Variants in CBFA2T2 observed in about 807,000 individuals in gnomAD.
CBFA2T2 encodes CBFA2/RUNX1 partner transcriptional co-repressor 2, also known as protein CBFA2T2.
A neutral mutation model predicts 62.2 loss-of-function variants in CBFA2T2; 11 were observed. That is an observed-to-expected ratio of 0.18 (90% CI 0.11 to 0.29). The LOEUF (loss-of-function observed/expected upper bound fraction) is 0.29. Among genes scored for constraint, CBFA2T2 ranks in the 10% least tolerant of loss-of-function variants. The pLI is 1.00. For missense variants in CBFA2T2, 592 were observed against 774.1 expected, an observed-to-expected ratio of 0.76 and a Z score of 2.79; for synonymous variants, 295 against 287.5, an observed-to-expected ratio of 1.03 and a Z score of -0.27.
At chr20:33,623,858 A>G in intron 5 of CBFA2T2, 1 of 717,810 alleles carries the variant, frequency 1.4e-6, no homozygotes, top group East Asian at 2.7e-5. Context: ...ACACCCGGTA[A>G]GAAACTCTAC....
chr20:33,565,547 G>A (rs2013275297), intron 1 of CBFA2T2, among the ~76,000 whole-genome samples: 1 of 152,072 alleles, frequency 6.6e-6, no homozygotes, highest in African/African-American at 2.4e-5. Flanking sequence ...TAATAAATAA[G>A]AAAAAATATG....
intron 10 of CBFA2T2, among the ~76,000 whole-genome samples, chr20:33,642,101 T>G (rs2016862487): frequency 8.7e-6 from 1 of 115,314 alleles, no homozygotes; most frequent in Non-Finnish European, 1.6e-5. Context: ...TCCTCCTCCT[T>G]TGTCTTTTTT....
chr20:33,500,628 G>A (rs1433411260), intron 1 of CBFA2T2, among the ~76,000 whole-genome samples: 1 of 152,044 alleles, frequency 6.6e-6, no homozygotes, highest in Non-Finnish European at 1.5e-5. Flanking sequence ...AGAATCACTT[G>A]AACCTGGGAG....
At chr20:33,536,198 C>T (rs367626740) in intron 1 of CBFA2T2, among the ~76,000 whole-genome samples, 1 of 152,190 alleles carries the variant, frequency 6.6e-6, no homozygotes, top group South Asian at 2.1e-4. Context: ...ACCTCCCAGA[C>T]GGGGTGGTGG....
rs764357794 is a variant in CBFA2T2 at position 33,490,317 on chromosome 20, A to G, written c.34+16A>G. The G allele has an allele frequency of 1.6e-6, 2 of 1,283,852 alleles. No individual in the cohort carries two copies. Among genetic ancestry groups the G allele is most frequent in the African/African-American group, 1.5e-5 (1 of 65,550 alleles). The allele number at this position is 1,283,852 out of a possible 1,614,324, so 79.5% of individuals were successfully genotyped here. A position where few individuals can be genotyped will look rare whatever the true frequency, so the allele number is the denominator to read the frequency against. On this transcript the variant is annotated intron_variant, in intron 1 of 10. Transcript: ENST00000342704. ...GCCTTCCAGCGTAAGTGGGGCGTGA[A>G]TGCGGGCGGCCGAGGGGGGCGTGTG...
At chr20:33,572,594 G>A (rs1419684753) in intron 1 of CBFA2T2, among the ~76,000 whole-genome samples, 1 of 152,214 alleles carries the variant, frequency 6.6e-6, no homozygotes, top group African/African-American at 2.4e-5. Flanking sequence ...GTGGATGTCA[G>A]TGATAAGAAT....
At chr20:33,622,628 C>T (rs551326745) in intron 4 of CBFA2T2, among the ~76,000 whole-genome samples, 1 of 152,186 alleles carries the variant, frequency 6.6e-6, no homozygotes, top group Admixed American at 6.5e-5. Flanking sequence ...TTCAAACTCC[C>T]ATGTTTCAGA....
intron 1 of CBFA2T2, among the ~76,000 whole-genome samples, chr20:33,586,579 A>G (rs975632499): frequency 6.6e-6 from 1 of 152,192 alleles, no homozygotes; most frequent in Non-Finnish European, 1.5e-5. Flanking sequence ...TATATTCTAT[A>G]GCAGATTTTT....
intron 4 of CBFA2T2, among the ~76,000 whole-genome samples, chr20:33,622,112 G>T (rs1257442550): frequency 6.6e-6 from 1 of 152,136 alleles, no homozygotes; most frequent in African/African-American, 2.4e-5. Context: ...CAAGATTGAG[G>T]TTATAGAACA....
At chr20:33,538,617 C>T (rs1242783742) in intron 1 of CBFA2T2, among the ~76,000 whole-genome samples, 4 of 152,170 alleles carry the variant, frequency 2.6e-5, no homozygotes, top group East Asian at 1.9e-4. Context: ...CCACCCACCT[C>T]GGCCTCCCAA....
At chr20:33,602,089 G>GC (rs1483535412) in intron 1 of CBFA2T2, among the ~76,000 whole-genome samples, 2 of 152,072 alleles carry the variant, frequency 1.3e-5, no homozygotes, top group African/African-American at 4.8e-5. Flanking sequence ...TGGATTACAG[G>GC]CATGTGCCAT....
chr20:33,493,640 A>G (rs901510660), intron 1 of CBFA2T2, among the ~76,000 whole-genome samples: 15 of 151,602 alleles, frequency 9.9e-5, no homozygotes, highest in African/African-American at 3.6e-4. Context: ...AGCTGTGACT[A>G]CAGGCATGTA....
At chr20:33,559,472 C>T (rs1191792174) in intron 1 of CBFA2T2, among the ~76,000 whole-genome samples, 1 of 151,964 alleles carries the variant, frequency 6.6e-6, no homozygotes, top group East Asian at 1.9e-4. Context: ...CCACTCCTGG[C>T]CCAATTGTGA....
chr20:33,509,174 C>T (rs916364125), intron 1 of CBFA2T2, among the ~76,000 whole-genome samples: 1 of 151,842 alleles, frequency 6.6e-6, no homozygotes, highest in African/African-American at 2.4e-5. Context: ...TGAGACCAGC[C>T]TGGCCAACAT....
At chr20:33,579,692 A>G (rs952371495) in intron 1 of CBFA2T2, among the ~76,000 whole-genome samples, 1 of 151,428 alleles carries the variant, frequency 6.6e-6, no homozygotes, top group African/African-American at 2.4e-5. Flanking sequence ...ATTGAAACTC[A>G]CTTTGTGTTT....
At chr20:33,622,762 A>C (rs1049568304) in intron 4 of CBFA2T2, among the ~76,000 whole-genome samples, 1 of 152,200 alleles carries the variant, frequency 6.6e-6, no homozygotes, top group African/African-American at 2.4e-5. Flanking sequence ...TGACTCCCAC[A>C]TAGGCAGTAG....
chr20:33,502,936 A>T (rs1225289666), intron 1 of CBFA2T2, among the ~76,000 whole-genome samples: 1 of 150,234 alleles, frequency 6.7e-6, no homozygotes, highest in Non-Finnish European at 1.5e-5. Context: ...TAAAAAATAC[A>T]GAAAATTAGC....
intron 8 of CBFA2T2, 73 bp downstream of exon 8, chr20:33,629,987 G>GT (rs1189750181): frequency 7.5e-7 from 1 of 1,330,148 alleles, no homozygotes; most frequent in Non-Finnish European, 1.0e-6. Context: ...CACAGAAGGC[G>GT]TTTTCTACTT....
chr20:33,624,793 C>T lies in CBFA2T2; in HGVS notation c.722C>T (p.Thr241Ile). 1 of 1,614,186 alleles carries T rather than the reference C, an allele frequency of 6.2e-7. No individual in the cohort carries two copies. Among genetic ancestry groups the T allele is most frequent in the Non-Finnish European group, 8.5e-7 (1 of 1,180,018 alleles). ...GAAGAGAATAGTTTTGATAGAGACA[C>T]AATTGCTCCTGAGCCTCCTGCCAAG... ...RREENSFDRD[T>I]IAPEPPAKRV... The change falls in exon 6 of 11, where the codon ACA (threonine) becomes ATA (isoleucine). Residue 241 changes from threonine (T) to isoleucine (I), a missense_variant. By Grantham distance (89) the Thr-to-Ile change is moderately conservative (BLOSUM62 -1). Transcript: ENST00000342704.
Sources: allele counts gnomAD v4.1 joint callset (sites outside exome capture counted in the v4.1 genomes callset), GRCh38; gene constraint gnomAD v4.1.1; transcripts MANE v1.5; gene names NCBI Gene and HGNC (gene_info 2026-07-23, HGNC 2026-07-21).